The following CAMTA1 variants were observed in gnomAD, a reference collection of about 807,000 sequenced individuals.
CAMTA1 encodes the protein calmodulin-binding transcription activator 1.
In CAMTA1, 27 loss-of-function variants were observed where a neutral mutation model predicts 170.9. The ratio of observed to expected loss-of-function variants is 0.16; its 90% CI spans 0.12 to 0.22. CAMTA1 has a LOEUF of 0.22. Ranked by LOEUF, CAMTA1 falls within the 10% of genes least tolerant of loss-of-function variation. The probability of loss-of-function intolerance (pLI) is 1.00; values close to 1 mark genes in which losing one functional copy is unlikely to be tolerated. For synonymous variants in CAMTA1, 833 were observed against 891.5 expected, an observed-to-expected ratio of 0.93 and a Z score of 1.17; for missense variants, 1,619 against 2,217.2, an observed-to-expected ratio of 0.73 and a Z score of 5.42.
At chr1:7,446,635 A>C (rs970193018) in intron 5 of CAMTA1, among the ~76,000 whole-genome samples, 1 of 152,190 alleles carries the variant, frequency 6.6e-6, no homozygotes, top group Non-Finnish European at 1.5e-5. Context: ...AGCCGAACCC[A>C]TGTTGGCCGG....
chr1:7,525,337 G>A (rs1197495681), intron 6 of CAMTA1, among the ~76,000 whole-genome samples: 1 of 151,910 alleles, frequency 6.6e-6, no homozygotes, highest in East Asian at 2.0e-4. Context: ...CAGAGGACAA[G>A]CCCCCTCACC....
chr1:7,700,082 T>C (rs1317388039), intron 11 of CAMTA1, among the ~76,000 whole-genome samples: 4 of 152,268 alleles, frequency 2.6e-5, no homozygotes, highest in African/African-American at 9.6e-5. Flanking sequence ...TTTTGATATA[T>C]TTAAGAAACT....
intron 3 of CAMTA1, among the ~76,000 whole-genome samples, chr1:6,912,402 T>C (rs893762324): frequency 1.3e-5 from 2 of 152,240 alleles, no homozygotes; most frequent in African/African-American, 4.8e-5. Context: ...GTTGTCTTGC[T>C]AATGGGACAC....
At chr1:7,554,396 C>T (rs2094848604) in intron 6 of CAMTA1, among the ~76,000 whole-genome samples, 1 of 152,150 alleles carries the variant, frequency 6.6e-6, no homozygotes, top group Admixed American at 6.5e-5. Context: ...TTCTAAACCA[C>T]TTGCCTTACA....
chr1:7,569,312 CCAT>C (rs762522960), intron 6 of CAMTA1, among the ~76,000 whole-genome samples: 1 of 149,220 alleles, frequency 6.7e-6, no homozygotes, highest in African/African-American at 2.5e-5. Flanking sequence ...ATCAACATCA[CCAT>C]CATCATCACC....
At position 7,443,413 on chromosome 1, in the gene CAMTA1, T is replaced by C; in HGVS notation, c.439-24417T>C. 6.6e-6 allele frequency among the ~76,000 whole-genome samples: 1 copy of C among 152,150 alleles called. No homozygotes were observed. Among genetic ancestry groups the C allele is most frequent in the East Asian group, 1.9e-4 (1 of 5,182 alleles). On this transcript the variant is annotated intron_variant, in intron 5 of 22. Transcript: ENST00000303635. The surrounding 1 kb of genome is among the most constrained non-coding windows in gnomAD (Gnocchi z 4.1). ...CCTTGGGAGCACGTGGAGATGATGA[T>C]AGCCATGTCAGACGACAGCAGGGAG...
At chr1:6,928,441 G>A (rs568227558) in intron 3 of CAMTA1, among the ~76,000 whole-genome samples, 7 of 152,254 alleles carry the variant, frequency 4.6e-5, no homozygotes, top group Non-Finnish European at 8.8e-5. Flanking sequence ...GGGACAGGTC[G>A]ACTGTAAACT....
chr1:7,764,673 T>C (rs904984258), intron 22 of CAMTA1, among the ~76,000 whole-genome samples: 1 of 152,198 alleles, frequency 6.6e-6, no homozygotes, highest in African/African-American at 2.4e-5. Flanking sequence ...CAGGTTTTAC[T>C]TGAGGCTGGG....
intron 3 of CAMTA1, among the ~76,000 whole-genome samples, chr1:6,908,379 T>G (rs1309947101): frequency 6.6e-6 from 1 of 152,214 alleles, no homozygotes; most frequent in Non-Finnish European, 1.5e-5. Flanking sequence ...GTTTATCTCC[T>G]GGCTCTGGAA....
At chr1:7,304,973 T>A (rs1181131400) in intron 5 of CAMTA1, among the ~76,000 whole-genome samples, 1 of 152,088 alleles carries the variant, frequency 6.6e-6, no homozygotes, top group Non-Finnish European at 1.5e-5. Flanking sequence ...TTAATATTTT[T>A]ATTTTTTTCT....
chr1:7,568,478 TCAA>T (rs891571665), intron 6 of CAMTA1, among the ~76,000 whole-genome samples: 7 of 136,792 alleles, frequency 5.1e-5, no homozygotes, highest in Non-Finnish European at 7.8e-5. Flanking sequence ...ACAACCATCA[TCAA>T]CATCACCATC....
At chr1:7,556,484 C>T (rs2094879782) in intron 6 of CAMTA1, among the ~76,000 whole-genome samples, 1 of 152,224 alleles carries the variant, frequency 6.6e-6, no homozygotes, top group African/African-American at 2.4e-5. Context: ...CCCTTGCAAA[C>T]TCTTCCTTGC....
At chr1:7,137,419 C>T (rs1432902066) in intron 4 of CAMTA1, among the ~76,000 whole-genome samples, 1 of 152,210 alleles carries the variant, frequency 6.6e-6, no homozygotes, top group Admixed American at 6.5e-5. Context: ...CTTTTGTGAC[C>T]TCAGCCCAAC....
intron 6 of CAMTA1, among the ~76,000 whole-genome samples, chr1:7,483,551 G>A (rs1166550011): frequency 2.0e-5 from 3 of 152,186 alleles, no homozygotes; most frequent in Non-Finnish European, 4.4e-5. Flanking sequence ...AACTGTAAAA[G>A]CCTCTGGGCA....
chr1:7,362,575 G>A (rs1433562157), intron 5 of CAMTA1, among the ~76,000 whole-genome samples: 1 of 151,764 alleles, frequency 6.6e-6, no homozygotes, highest in Non-Finnish European at 1.5e-5. Flanking sequence ...TTGGGTAGTG[G>A]TGGTGGCTTT....
At chr1:7,524,559 G>C (rs1040875788) in intron 6 of CAMTA1, among the ~76,000 whole-genome samples, 1 of 152,130 alleles carries the variant, frequency 6.6e-6, no homozygotes, top group East Asian at 1.9e-4. Context: ...TTCCTCATCT[G>C]TGGAAGAGCA....
chr1:7,196,210 C>G (rs1655498802), intron 4 of CAMTA1, among the ~76,000 whole-genome samples: 1 of 152,104 alleles, frequency 6.6e-6, no homozygotes, highest in East Asian at 1.9e-4. Context: ...CTCTCTCTCT[C>G]TCTCTCTCCT....
intron 4 of CAMTA1, among the ~76,000 whole-genome samples, chr1:7,132,323 A>G (rs1008328510): frequency 7.2e-5 from 11 of 152,048 alleles, no homozygotes; most frequent in African/African-American, 2.7e-4. Flanking sequence ...CCCAGGCTGG[A>G]GTGCAGTGGT....
chr1:7,398,427 A>C (rs1375066364), intron 5 of CAMTA1, among the ~76,000 whole-genome samples: 2 of 151,304 alleles, frequency 1.3e-5, no homozygotes, highest in Admixed American at 1.3e-4. Flanking sequence ...TTCCATTTGC[A>C]TGGAATATCA....
Sources: gnomAD v4.1 joint callset for allele counts (sites outside exome capture counted in the v4.1 genomes callset) on GRCh38, gnomAD v4.1.1 for gene constraint, Gnocchi (gnomAD v3.1) non-coding constraint, MANE v1.5 for transcripts, NCBI Gene and HGNC (gene_info 2026-07-23, HGNC 2026-07-21) for gene names.